The following LRRC4C variants were observed in gnomAD, a reference collection of about 807,000 sequenced individuals.
LRRC4C encodes the protein leucine-rich repeat-containing protein 4C.
A neutral mutation model predicts 33.6 loss-of-function variants in LRRC4C; 5 were observed. That is an observed-to-expected ratio of 0.15 (90% CI 0.08 to 0.31). The LOEUF is 0.31. Among genes scored for constraint, LRRC4C ranks in the 10% least tolerant of loss-of-function variants. The probability of loss-of-function intolerance (pLI) is 1.00; values close to 1 mark genes in which losing one functional copy is unlikely to be tolerated. For missense variants in LRRC4C, 560 were observed against 796.7 expected, an observed-to-expected ratio of 0.70 and a Z score of 3.58; for synonymous variants, 329 against 302.0, an observed-to-expected ratio of 1.09 and a Z score of -0.93.
intron 5 of LRRC4C, among the ~76,000 whole-genome samples, chr11:40,232,781 T>A (rs984381660): frequency 2.0e-5 from 3 of 152,204 alleles, no homozygotes; most frequent in African/African-American, 7.2e-5. Context: ...TCTCAGAGAC[T>A]GTTTACTCCT....
intron 2 of LRRC4C, among the ~76,000 whole-genome samples, chr11:40,698,387 C>A (rs1565647748): frequency 6.6e-6 from 1 of 152,128 alleles, no homozygotes; most frequent in Admixed American, 6.6e-5. Context: ...CTTCTCTATA[C>A]TAGCAATCAT....
Position 40,759,139 on chromosome 11 carries a change from A to G in LRRC4C, c.-406-110861T>C, listed in dbSNP as rs1949078082. Reference sequence around the variant, plus strand: ...TCTTCCTTATGTATGTAATATATATATCTTCCATATATATGTAAAACTAAC... The same window carrying G: ...TCTTCCTTATGTATGTAATATATATGTCTTCCATATATATGTAAAACTAAC... On this transcript the variant is annotated intron_variant, in intron 2 of 6. Transcript: ENST00000528697. Among the ~76,000 whole-genome samples the G allele has an allele frequency of 3.4e-5, 5 of 147,156 alleles. 1 individual carries two copies. In the South Asian group the frequency reaches 1.0e-3, roughly 31 times the overall value.
At chr11:40,122,541 G>A (rs972360344) in intron 6 of LRRC4C, among the ~76,000 whole-genome samples, 1 of 152,018 alleles carries the variant, frequency 6.6e-6, no homozygotes, top group Non-Finnish European at 1.5e-5. Context: ...GTCAAACTTC[G>A]AATTCTTAAT....
chr11:40,861,883 G>C (rs1302175108), intron 2 of LRRC4C, among the ~76,000 whole-genome samples: 1 of 152,124 alleles, frequency 6.6e-6, no homozygotes, highest in African/African-American at 2.4e-5. Context: ...TAAACAAACA[G>C]TTCTCAGCGT....
rs542173193 is a variant in LRRC4C, at chr11:40,786,831, C to G, written c.-406-138553G>C. Among the ~76,000 whole-genome samples the G allele has an allele frequency of 3.0e-4, 46 of 152,148 alleles. No individual in the cohort carries two copies. The South Asian group carries it at 9.6e-3, about 32-fold the overall frequency. On this transcript the variant is annotated intron_variant, in intron 2 of 6. Coordinates refer to ENST00000528697, the MANE Select transcript of LRRC4C (RefSeq NM_001258419.2). ...TGAGGATGTAACTACAGTACAAGTT[C>G]CAAATCTTCATTAACATCTCCCCCA...
intron 3 of LRRC4C, among the ~76,000 whole-genome samples, chr11:40,485,914 G>A (rs1265840366): frequency 1.3e-5 from 2 of 151,970 alleles, no homozygotes; most frequent in South Asian, 4.1e-4. Context: ...AATACTGCAT[G>A]TTCTCACTTA....
chr11:40,974,283 A>G (rs1851927624), intron 1 of LRRC4C, among the ~76,000 whole-genome samples: 1 of 152,078 alleles, frequency 6.6e-6, no homozygotes, highest in Admixed American at 6.6e-5. Flanking sequence ...TTGATTTTTA[A>G]TCTCTACCAG....
At chr11:41,318,861 T>C (rs1200214199) in intron 1 of LRRC4C, among the ~76,000 whole-genome samples, 1 of 152,196 alleles carries the variant, frequency 6.6e-6, no homozygotes, top group Non-Finnish European at 1.5e-5. Flanking sequence ...CTTCACATTG[T>C]AGCTCATGGA....
intron 1 of LRRC4C, among the ~76,000 whole-genome samples, chr11:41,006,187 T>C (rs1477324968): frequency 6.6e-6 from 1 of 152,222 alleles, no homozygotes; most frequent in Non-Finnish European, 1.5e-5. Flanking sequence ...ACTGAGTGTG[T>C]CATTCATAAT....
intron 3 of LRRC4C, among the ~76,000 whole-genome samples, chr11:40,401,234 CCT>C (rs146489901): frequency 7.1e-4 from 104 of 147,112 alleles, no homozygotes; most frequent in Non-Finnish European, 6.0e-4. Context: ...AGTCAATCTC[CCT>C]CTCTCTCTCT....
At chr11:41,187,373 A>C (rs2136191088) in intron 1 of LRRC4C, among the ~76,000 whole-genome samples, 1 of 152,304 alleles carries the variant, frequency 6.6e-6, no homozygotes, top group Middle Eastern at 3.4e-3. Flanking sequence ...GTCGAGAAAA[A>C]TGCACTGGCG....
chr11:41,353,793 C>T (rs1398074793), intron 1 of LRRC4C, among the ~76,000 whole-genome samples: 1 of 152,046 alleles, frequency 6.6e-6, no homozygotes, highest in African/African-American at 2.4e-5. Flanking sequence ...TCAACAGACA[C>T]ATAACTCTTT....
chr11:40,286,045 T>C (rs1281940528), intron 4 of LRRC4C, among the ~76,000 whole-genome samples: 1 of 152,232 alleles, frequency 6.6e-6, no homozygotes, highest in Non-Finnish European at 1.5e-5. Flanking sequence ...TGGTAACTAC[T>C]GTTTTTATTA....
At chr11:40,867,995 G>A (rs1244465020) in intron 2 of LRRC4C, among the ~76,000 whole-genome samples, 6 of 152,158 alleles carry the variant, frequency 3.9e-5, no homozygotes, top group Non-Finnish European at 7.4e-5. Context: ...GCAGATCCCT[G>A]TGGCTGTTTT....
At chr11:40,450,127 A>G (rs1275923192) in intron 3 of LRRC4C, among the ~76,000 whole-genome samples, 1 of 152,160 alleles carries the variant, frequency 6.6e-6, no homozygotes. Context: ...ATGGGCAGGT[A>G]TAGGGCAAAG....
At position 41,146,740 on chromosome 11, in the gene LRRC4C, A is replaced by G. The variant is rs185564095; in HGVS notation, c.-495-213017T>C. ...TATTTTTCCAAGTGATGTAATTAAG[A>G]GTGCTCTCTTCAGGGGGAAATAAAA... On this transcript the variant is annotated intron_variant, in intron 1 of 6. Transcript: ENST00000528697. 1.6e-3 allele frequency among the ~76,000 whole-genome samples: 244 copies of G among 152,332 alleles called. 1 individual carries two copies. The highest frequency in any genetic ancestry group is 5.6e-3 in the African/African-American group (233 of 41,572).
intron 3 of LRRC4C, among the ~76,000 whole-genome samples, chr11:40,422,077 T>A (rs978740387): frequency 6.6e-6 from 1 of 152,238 alleles, no homozygotes. Context: ...TCACTTTCAA[T>A]TGGATATTCA....
intron 3 of LRRC4C, among the ~76,000 whole-genome samples, chr11:40,595,149 A>T (rs1439832630): frequency 2.0e-5 from 3 of 152,096 alleles, no homozygotes; most frequent in Non-Finnish European, 2.9e-5. Flanking sequence ...ATAGAACTTT[A>T]TTTATGGTGC....
chr11:40,319,319 C>G (rs572791191), intron 4 of LRRC4C, among the ~76,000 whole-genome samples: 1 of 152,252 alleles, frequency 6.6e-6, no homozygotes, highest in African/African-American at 2.4e-5. Context: ...AAGATACACT[C>G]AGGTCTGCTA....
Sources: gnomAD v4.1 joint callset for allele counts (sites outside exome capture counted in the v4.1 genomes callset) on GRCh38, gnomAD v4.1.1 for gene constraint, MANE v1.5 for transcripts, NCBI Gene and HGNC (gene_info 2026-07-23, HGNC 2026-07-21) for gene names.